Variants in PLXNA2 observed in about 807,000 individuals in gnomAD.
The protein encoded by PLXNA2 is plexin-A2.
In PLXNA2, 91 loss-of-function variants were observed where a neutral mutation model predicts 193.5. That is an observed-to-expected ratio of 0.47 (90% CI 0.40 to 0.56). The LOEUF is 0.56. Ranked by LOEUF, PLXNA2 falls within the 20% of genes least tolerant of loss-of-function variation. The pLI is 0.00. For missense variants in PLXNA2, 1,995 were observed against 2,503.2 expected (o/e 0.80, Z 4.33); for synonymous variants, 997 against 1,027.3 (o/e 0.97, Z 0.56).
intron 28 of PLXNA2, among the ~76,000 whole-genome samples, chr1:208,032,577 G>A (rs182981091): frequency 1.2e-4 from 18 of 152,308 alleles, no homozygotes; most frequent in Admixed American, 1.1e-3. Flanking sequence ...AGGGTCCATC[G>A]GGGAGAATAT....
chr1:208,046,170 A>C, intron 17 of PLXNA2, 53 bp from the exon 18 acceptor site: 1 of 1,566,900 alleles, frequency 6.4e-7, no homozygotes, highest in East Asian at 2.3e-5. Context: ...CACAGAGCCC[A>C]GGGGCCCACA....
chr1:208,042,970 T>C (rs1664924729), intron 21 of PLXNA2, 91 bp downstream of exon 21: 5 of 1,304,506 alleles, frequency 3.8e-6, no homozygotes, highest in South Asian at 1.3e-5. Context: ...CTGCTAACCT[T>C]ACTCAGTACT....
intron 3 of PLXNA2, among the ~76,000 whole-genome samples, chr1:208,202,892 T>C (rs531078456): frequency 2.6e-4 from 39 of 152,134 alleles, no homozygotes; most frequent in Admixed American, 5.9e-4. Context: ...CATACAAGAA[T>C]TGTCCAAGAT....
intron 3 of PLXNA2, among the ~76,000 whole-genome samples, chr1:208,205,959 T>G (rs1670707649): frequency 6.6e-6 from 1 of 152,210 alleles, no homozygotes; most frequent in Admixed American, 6.5e-5. Context: ...GCCATTTTAT[T>G]TGCTGTGTGA....
At chr1:208,033,230 A>T in intron 28 of PLXNA2, 89 bp downstream of exon 28, 1 of 1,247,930 alleles carries the variant, frequency 8.0e-7, no homozygotes, top group African/African-American at 1.5e-5. Flanking sequence ...CTCTTGAAGG[A>T]CACACTCCAG....
chr1:208,043,358 C>G (rs541841528), intron 20 of PLXNA2, among the ~76,000 whole-genome samples, 155 bp from the exon 21 acceptor site: 1 of 152,272 alleles, frequency 6.6e-6, no homozygotes, highest in Admixed American at 6.5e-5. Flanking sequence ...CTACTCCCAG[C>G]TGTTTTTAGG....
At chr1:208,209,435 AG>A (rs1419920538) in intron 3 of PLXNA2, among the ~76,000 whole-genome samples, 1 of 152,234 alleles carries the variant, frequency 6.6e-6, no homozygotes, top group Non-Finnish European at 1.5e-5. Flanking sequence ...TGCTGGGACC[AG>A]GGAAAGGTGG....
intron 1 of PLXNA2, among the ~76,000 whole-genome samples, chr1:208,232,147 C>A (rs561775516): frequency 1.3e-5 from 2 of 152,184 alleles, no homozygotes; most frequent in Non-Finnish European, 2.9e-5. Flanking sequence ...GGGGCTGAGG[C>A]CTGGACATGG....
At chr1:208,074,597 G>C (rs1487548924) in intron 12 of PLXNA2, among the ~76,000 whole-genome samples, 3 of 152,192 alleles carry the variant, frequency 2.0e-5, no homozygotes, top group African/African-American at 7.2e-5. Flanking sequence ...AGAAGATGGG[G>C]TAAGGAGGGG....
chr1:208,068,662 T>G (rs1228319165), intron 12 of PLXNA2, among the ~76,000 whole-genome samples: 7 of 152,244 alleles, frequency 4.6e-5, no homozygotes, highest in East Asian at 3.8e-4. Flanking sequence ...AAGGAGGGCC[T>G]GCGAAGATGA....
At chr1:208,119,070 G>A (rs1302688778) in intron 4 of PLXNA2, among the ~76,000 whole-genome samples, 1 of 152,196 alleles carries the variant, frequency 6.6e-6, no homozygotes, top group Admixed American at 6.5e-5. Flanking sequence ...TACACACCAC[G>A]GGTGATGCAT....
chr1:208,062,072 C>CA (rs1041182792), intron 12 of PLXNA2, among the ~76,000 whole-genome samples: 2 of 149,408 alleles, frequency 1.3e-5, no homozygotes, highest in Non-Finnish European at 3.0e-5. Flanking sequence ...AAGGAAGGAG[C>CA]AAAAAAAAAG....
At chr1:208,220,602 T>C (rs1369637559) in intron 1 of PLXNA2, among the ~76,000 whole-genome samples, 4 of 151,136 alleles carry the variant, frequency 2.6e-5, no homozygotes, top group Non-Finnish European at 5.9e-5. Flanking sequence ...CCGCCTAATT[T>C]TTTTTTTTTT....
chr1:208,235,529 G>A (rs1053102218), intron 1 of PLXNA2, among the ~76,000 whole-genome samples: 1 of 152,202 alleles, frequency 6.6e-6, no homozygotes, highest in Non-Finnish European at 1.5e-5. Context: ...GAGGTGCTGG[G>A]TAAGGGGCAG....
At chr1:208,078,135 T>G (rs1666219972) in intron 12 of PLXNA2, among the ~76,000 whole-genome samples, 1 of 152,234 alleles carries the variant, frequency 6.6e-6, no homozygotes, top group South Asian at 2.1e-4. Context: ...ACTCAATTTC[T>G]CTGAGCCTCA....
In PLXNA2 at chr1:208,216,969, A is replaced by G. The variant is rs1406295785; in HGVS notation, c.954T>C (p.Pro318=). ...TGAAGGCCTGGGCCAGTGAGTCCCC[A>G]GGCTTGGCCAGGTAAGCAGCCTGCA... The part of the protein sequence containing the change: ...RLLQAAYLAK[P]GDSLAQAFNI... The change falls in exon 2 of 32, where the codon CCT becomes CCC. Residue 318 remains proline (P), a synonymous_variant. Coordinates refer to ENST00000367033, the MANE Select transcript of PLXNA2 (RefSeq NM_025179.4). The G allele has an allele frequency of 1.2e-6, 2 of 1,613,466 alleles. No individual in the cohort carries two copies. The highest frequency in any genetic ancestry group is 1.3e-5 in the African/African-American group (1 of 75,044).
chr1:208,211,842 T>C (rs1015808201), intron 2 of PLXNA2, among the ~76,000 whole-genome samples: 1 of 152,136 alleles, frequency 6.6e-6, no homozygotes, highest in Non-Finnish European at 1.5e-5. Context: ...ATTTCTAAGG[T>C]CTCAAGAAAG....
At chr1:208,061,910 G>A (rs1225618082) in intron 12 of PLXNA2, among the ~76,000 whole-genome samples, 1 of 152,186 alleles carries the variant, frequency 6.6e-6, no homozygotes, top group Non-Finnish European at 1.5e-5. Context: ...GGATCTGAGA[G>A]TATCTTATTC....
chr1:208,090,262 C>T (rs1666666318), intron 9 of PLXNA2, among the ~76,000 whole-genome samples: 1 of 152,108 alleles, frequency 6.6e-6, no homozygotes, highest in Non-Finnish European at 1.5e-5. Context: ...CTACTCAGGG[C>T]AATGGGGAGA....
Sources: gnomAD v4.1 joint callset for allele counts (sites outside exome capture counted in the v4.1 genomes callset) on GRCh38, gnomAD v4.1.1 for gene constraint, MANE v1.5 for transcripts, NCBI Gene and HGNC (gene_info 2026-07-23, HGNC 2026-07-21) for gene names.